Variants in PRKD1 observed in about 807,000 individuals in gnomAD.
PRKD1 encodes protein kinase D1.
In PRKD1, 63 loss-of-function variants were observed where a neutral mutation model predicts 95.9. The ratio of observed to expected loss-of-function variants is 0.66; its 90% CI spans 0.54 to 0.81. PRKD1 has a LOEUF of 0.81. Among genes scored for constraint, PRKD1 ranks in the 30% least tolerant of loss-of-function variants. The probability of loss-of-function intolerance (pLI) is 0.00; values close to 1 mark genes in which losing one functional copy is unlikely to be tolerated. For missense variants in PRKD1, 1,048 were observed against 1,165.3 expected, an observed-to-expected ratio of 0.90 and a Z score of 1.47; for synonymous variants, 425 against 423.1, an observed-to-expected ratio of 1.00 and a Z score of -0.05.
chr14:29,735,163 T>C (rs113513099), intron 1 of PRKD1, among the ~76,000 whole-genome samples: 4,534 of 152,308 alleles, frequency 0.03, 157 homozygotes, highest in Admixed American at 0.09. Context: ...ATTTTGACTA[T>C]TTAATTCTAT....
At chr14:29,845,099 T>C (rs1892028998) in intron 1 of PRKD1, among the ~76,000 whole-genome samples, 1 of 152,214 alleles carries the variant, frequency 6.6e-6, no homozygotes, top group South Asian at 2.1e-4. Context: ...GGAAAGCATC[T>C]AGTAGTCACT....
intron 1 of PRKD1, among the ~76,000 whole-genome samples, chr14:29,736,114 T>C (rs1041823109): frequency 5.9e-5 from 9 of 152,182 alleles, no homozygotes; most frequent in African/African-American, 1.9e-4. Flanking sequence ...CAGAAACAGG[T>C]TGTAGACCCC....
chr14:29,754,795 T>A (rs1887624025), intron 1 of PRKD1, among the ~76,000 whole-genome samples: 1 of 152,104 alleles, frequency 6.6e-6, no homozygotes, highest in South Asian at 2.1e-4. Context: ...TGAGACTGAT[T>A]CAGCTATTTG....
At chr14:29,685,907 A>T (rs764783434) in intron 2 of PRKD1, among the ~76,000 whole-genome samples, 6 of 152,170 alleles carry the variant, frequency 3.9e-5, no homozygotes, top group African/African-American at 7.2e-5. Flanking sequence ...CAGAATTTCT[A>T]ACAGTAAGAC....
intron 4 of PRKD1, among the ~76,000 whole-genome samples, chr14:29,658,579 T>G (rs1882021597): frequency 6.6e-6 from 1 of 152,178 alleles, no homozygotes; most frequent in South Asian, 2.1e-4. Flanking sequence ...TGTTATCAAG[T>G]TAGAATCACC....
intron 13 of PRKD1, among the ~76,000 whole-genome samples, chr14:29,610,058 T>G (rs1014136871): frequency 6.7e-6 from 1 of 149,986 alleles, no homozygotes; most frequent in African/African-American, 2.5e-5. Context: ...AAAGCAACAC[T>G]TATAAATACT....
chr14:29,682,664 T>C (rs1021667111), intron 2 of PRKD1, among the ~76,000 whole-genome samples: 4 of 152,158 alleles, frequency 2.6e-5, no homozygotes, highest in Admixed American at 2.6e-4. Flanking sequence ...ACCGTTCAAG[T>C]GCTCATGGAA....
intron 1 of PRKD1, among the ~76,000 whole-genome samples, chr14:29,868,090 C>T (rs1044999023): frequency 1.3e-5 from 2 of 152,148 alleles, no homozygotes; most frequent in African/African-American, 4.8e-5. Context: ...AGCTGTTCCT[C>T]GACTTCAATA....
intron 16 of PRKD1, among the ~76,000 whole-genome samples, chr14:29,584,998 T>C (rs1892870049): frequency 6.6e-6 from 1 of 152,158 alleles, no homozygotes; most frequent in African/African-American, 2.4e-5. Context: ...GAACAATCAT[T>C]CTGGTGATAG....
chr14:29,793,961 T>C (rs1313856214), intron 1 of PRKD1, among the ~76,000 whole-genome samples: 3 of 152,062 alleles, frequency 2.0e-5, no homozygotes, highest in Non-Finnish European at 4.4e-5. Context: ...ATGTTTCCTC[T>C]AACACAAGCA....
At chr14:29,638,593 C>T in intron 5 of PRKD1, 27 bp from the exon 6 acceptor site, 1 of 1,613,672 alleles carries the variant, frequency 6.2e-7, no homozygotes, top group African/African-American at 1.3e-5. Context: ...TCAAACAAAA[C>T]AAAATGAGAA....
At chr14:29,708,916 C>T (rs1489583270) in intron 2 of PRKD1, among the ~76,000 whole-genome samples, 1 of 152,082 alleles carries the variant, frequency 6.6e-6, no homozygotes, top group Non-Finnish European at 1.5e-5. Flanking sequence ...GCTACAACCA[C>T]TCCCAAGATA....
At chr14:29,772,030 G>A (rs1888531793) in intron 1 of PRKD1, among the ~76,000 whole-genome samples, 1 of 152,192 alleles carries the variant, frequency 6.6e-6, no homozygotes. Flanking sequence ...ATTTGCCTCA[G>A]GGCGAATCAT....
intron 1 of PRKD1, among the ~76,000 whole-genome samples, chr14:29,833,039 C>CA (rs1406133032): frequency 6.6e-6 from 1 of 152,036 alleles, no homozygotes; most frequent in East Asian, 1.9e-4. Flanking sequence ...GCTATATACA[C>CA]ACTTGAAGAA....
At chr14:29,631,701 T>A (rs1880018578) in intron 9 of PRKD1, among the ~76,000 whole-genome samples, 2 of 152,022 alleles carry the variant, frequency 1.3e-5, no homozygotes, top group African/African-American at 2.4e-5. Flanking sequence ...GGTTTCAACA[T>A]GTTGGCCAGC....
chr14:29,903,273 A>G (rs998490784), intron 1 of PRKD1, among the ~76,000 whole-genome samples: 6 of 152,230 alleles, frequency 3.9e-5, no homozygotes, highest in African/African-American at 1.4e-4. Context: ...GAAACGGGCT[A>G]ATGGCATCAC....
intron 1 of PRKD1, among the ~76,000 whole-genome samples, chr14:29,757,060 T>C (rs1260420103): frequency 2.0e-5 from 3 of 152,200 alleles, no homozygotes; most frequent in Non-Finnish European, 4.4e-5. Flanking sequence ...AGTGATATAA[T>C]TAATTGTACT....
intron 1 of PRKD1, among the ~76,000 whole-genome samples, chr14:29,909,484 T>C (rs963557762): frequency 6.6e-6 from 1 of 152,152 alleles, no homozygotes; most frequent in Non-Finnish European, 1.5e-5. Flanking sequence ...CTGAGTCTAG[T>C]AGGGACTCGG....
intron 1 of PRKD1, among the ~76,000 whole-genome samples, chr14:29,729,431 C>A (rs1329478717): frequency 6.6e-6 from 1 of 152,050 alleles, no homozygotes; most frequent in East Asian, 1.9e-4. Context: ...CCATTTCATT[C>A]AAGTTGTCAA....
Sources: gnomAD v4.1 joint callset for allele counts (sites outside exome capture counted in the v4.1 genomes callset) on GRCh38, gnomAD v4.1.1 for gene constraint, MANE v1.5 for transcripts, NCBI Gene and HGNC (gene_info 2026-07-23, HGNC 2026-07-21) for gene names.